The following MAP2K3 variants were observed in gnomAD, a reference collection of about 807,000 sequenced individuals.
MAP2K3 encodes the protein mitogen-activated protein kinase kinase 3, also known as dual specificity mitogen-activated protein kinase kinase 3.
In MAP2K3, 30 loss-of-function variants were observed where a neutral mutation model predicts 46.4. The ratio of observed to expected loss-of-function variants is 0.65; its 90% CI spans 0.48 to 0.88. The LOEUF (loss-of-function observed/expected upper bound fraction) is 0.88. Ranked by LOEUF, MAP2K3 falls within the 40% of genes least tolerant of loss-of-function variation. The pLI, the probability that MAP2K3 is intolerant of heterozygous loss-of-function variation, is 0.00. For missense variants in MAP2K3, 380 were observed against 464.5 expected, an observed-to-expected ratio of 0.82 and a Z score of 1.67; for synonymous variants, 189 against 176.3, an observed-to-expected ratio of 1.07 and a Z score of -0.57.
chr17:21,306,889 C>G (rs1354459866), intron 9 of MAP2K3, among the ~76,000 whole-genome samples: 1 of 152,310 alleles, frequency 6.6e-6, no homozygotes, highest in Non-Finnish European at 1.5e-5. Context: ...AGGCTCAAGC[C>G]ATCCCCCTAC....
intron 1 of MAP2K3, among the ~76,000 whole-genome samples, chr17:21,292,373 TTTCC>T (rs1481342140): frequency 1.3e-5 from 2 of 152,306 alleles, no homozygotes; most frequent in African/African-American, 4.8e-5. Flanking sequence ...CAGCATTTTC[TTTCC>T]TTCTTCTTCT....
chr17:21,294,441 C>A (rs1328975136), intron 1 of MAP2K3, among the ~76,000 whole-genome samples: 3 of 152,310 alleles, frequency 2.0e-5, no homozygotes, highest in Admixed American at 2.0e-4. Flanking sequence ...TGTCATCTTG[C>A]CCCTGTGGGT....
chr17:21,294,214 T>TACCAGCCCCCATG (rs1351047084), intron 1 of MAP2K3, among the ~76,000 whole-genome samples: 7 of 152,304 alleles, frequency 4.6e-5, no homozygotes, highest in East Asian at 1.9e-4. Context: ...CGCCTCTTGC[T>TACCAGCCCCCATG]GCTCACATCT....
chr17:21,308,750 A>C (rs1160083281), intron 9 of MAP2K3, among the ~76,000 whole-genome samples: 1 of 152,184 alleles, frequency 6.6e-6, no homozygotes, highest in Admixed American at 6.5e-5. Flanking sequence ...TGGATATTAG[A>C]GACCCTGCTC....
chr17:21,296,023 T>A (rs1344735176), intron 1 of MAP2K3: 1 of 1,283,370 alleles, frequency 7.8e-7, no homozygotes, highest in African/African-American at 1.5e-5. Flanking sequence ...AAGCCTGACA[T>A]CAGGAATAAA....
intron 2 of MAP2K3, 84 bp from the exon 3 acceptor site, chr17:21,298,794 A>G (rs1035782798): frequency 4.1e-5 from 66 of 1,601,014 alleles, no homozygotes; most frequent in Non-Finnish European, 5.4e-5. Context: ...TCCCCACGCC[A>G]GGCCCCACAC....
At chr17:21,288,365 G>A (rs1378833450) in intron 1 of MAP2K3, among the ~76,000 whole-genome samples, 1 of 152,224 alleles carries the variant, frequency 6.6e-6, no homozygotes, top group African/African-American at 2.4e-5. Context: ...AGCAGGAGCA[G>A]GTGGCAGTGA....
rs1439467768 is a variant in MAP2K3 at position 21,291,341 on chromosome 17, T to TACAACACAAC, written c.49+6376_49+6377insCACAACACAA. On this transcript the variant is annotated intron_variant, in intron 1 of 11. Transcript: ENST00000342679. ...TAGAATACAATAGAATACAGTACAA[T>TACAACACAAC]ACAATACAACACAACACAACACAAC... 631 of 93,514 alleles carry TACAACACAAC rather than the reference T, an allele frequency of 6.7e-3. 7 individuals carry two copies. The highest frequency in any genetic ancestry group is 0.041 in the African/African-American group (505 of 12,354). The allele number at this position is 93,514 out of a possible 1,614,324, so 5.8% of individuals were successfully genotyped here. A position where few individuals can be genotyped will look rare whatever the true frequency, so the allele number is the denominator to read the frequency against.
In MAP2K3 at chr17:21,307,042, T is replaced by C. The variant is rs1976921576; in HGVS notation, c.774+1914T>C. Reference sequence around the variant, plus strand: ...CTCAAGCAATCTGCCTACCTCGGCCTCCCAAAGTGCTGGGATTATAGGCAC... The same window carrying C: ...CTCAAGCAATCTGCCTACCTCGGCCCCCCAAAGTGCTGGGATTATAGGCAC... On this transcript the variant is annotated intron_variant, in intron 9 of 11. Transcript: ENST00000342679. Among the ~76,000 whole-genome samples, 8 of 152,422 alleles carry C rather than the reference T, an allele frequency of 5.2e-5. No individual in the cohort carries two copies. In the South Asian group the frequency reaches 1.7e-3, roughly 32 times the overall value.
chr17:21,294,251 C>A (rs187132448), intron 1 of MAP2K3, among the ~76,000 whole-genome samples: 1 of 152,308 alleles, frequency 6.6e-6, no homozygotes, highest in Non-Finnish European at 1.5e-5. Flanking sequence ...CCTTCCCTGG[C>A]AGGCCCAGAA....
intron 1 of MAP2K3, among the ~76,000 whole-genome samples, chr17:21,287,506 G>C (rs1361524644): frequency 6.6e-6 from 1 of 152,214 alleles, no homozygotes; most frequent in African/African-American, 2.4e-5. Context: ...TTACCTTTGA[G>C]CTTCCTGCCT....
chr17:21,313,916 G>T (rs1597509623), intron 11 of MAP2K3: 1 of 589,238 alleles, frequency 1.7e-6, no homozygotes, highest in Non-Finnish European at 3.0e-6. Context: ...CCTGACGTGT[G>T]GGGGGAAAGG....
intron 3 of MAP2K3, 124 bp from the exon 4 acceptor site, chr17:21,300,421 A>G: frequency 7.3e-6 from 7 of 955,478 alleles, no homozygotes; most frequent in South Asian, 1.5e-5. Flanking sequence ...AGCGGTGGAT[A>G]TGAGGTTTGA....
intron 5 of MAP2K3, among the ~76,000 whole-genome samples, chr17:21,301,449 G>A (rs968308181): frequency 5.3e-5 from 8 of 152,300 alleles, no homozygotes; most frequent in African/African-American, 1.4e-4. Flanking sequence ...GCTGCCTTCC[G>A]CCAAGCCGGG....
intron 1 of MAP2K3, chr17:21,285,318 G>T: frequency 1.0e-6 from 1 of 984,398 alleles, no homozygotes; most frequent in Non-Finnish European, 1.2e-6. Flanking sequence ...CTCCCTCAGC[G>T]GGACCCAGGT....
chr17:21,288,578 C>T (rs901633911), intron 1 of MAP2K3, among the ~76,000 whole-genome samples: 4 of 152,206 alleles, frequency 2.6e-5, no homozygotes, highest in African/African-American at 9.7e-5. Flanking sequence ...GTCCCTTTTG[C>T]GATGTGACGT....
rs986895502 is a variant in MAP2K3 at position 21,284,728 on chromosome 17, G to A, written c.-193G>A. ...CGCTGCCCAGTCTGTCTCCGGCGCC[G>A]CCCGTCGCGGACTCGTCCTTGCTGC... On this transcript the variant is annotated 5_prime_UTR_variant, in exon 1 of 12. Coordinates refer to ENST00000342679, the MANE Select transcript of MAP2K3 (RefSeq NM_145109.3). The A allele has an allele frequency of 3.9e-6, 2 of 519,400 alleles. No individual in the cohort carries two copies. Among genetic ancestry groups the A allele is most frequent in the Middle Eastern group, 5.2e-4 (1 of 1,908 alleles). The allele number at this position is 519,400 out of a possible 1,614,324, so 32.2% of individuals were successfully genotyped here. A position where few individuals can be genotyped will look rare whatever the true frequency, so the allele number is the denominator to read the frequency against.
intron 1 of MAP2K3, 187 bp from the exon 2 acceptor site, chr17:21,298,226 C>T (rs1193468884): frequency 1.2e-6 from 1 of 847,014 alleles, no homozygotes; most frequent in Non-Finnish European, 2.0e-6. Context: ...CTCTGCTCCC[C>T]TGCAGGGCTG....
At chr17:21,288,867 C>G (rs559001744) in intron 1 of MAP2K3, among the ~76,000 whole-genome samples, 2 of 152,238 alleles carry the variant, frequency 1.3e-5, no homozygotes, top group East Asian at 1.9e-4. Flanking sequence ...GCCCTGGGTT[C>G]GAATCCTGGC....
Sources: allele counts gnomAD v4.1 joint callset (sites outside exome capture counted in the v4.1 genomes callset), GRCh38; gene constraint gnomAD v4.1.1; transcripts MANE v1.5; gene names NCBI Gene and HGNC (gene_info 2026-07-23, HGNC 2026-07-21).